The following KARS1 variants were observed in gnomAD, a reference collection of about 807,000 sequenced individuals.
The protein encoded by KARS1 is lysine--tRNA ligase.
In KARS1, 50 loss-of-function variants were observed where a neutral mutation model predicts 63.9. That is an observed-to-expected ratio of 0.78 (90% confidence interval 0.62 to 0.99). The LOEUF (loss-of-function observed/expected upper bound fraction) is 0.99, where lower values mean the gene tolerates loss of function less well. Among genes scored for constraint, KARS1 ranks in the 50% least tolerant of loss-of-function variants. The pLI is 0.00. For synonymous variants in KARS1, 320 were observed against 264.6 expected, an observed-to-expected ratio of 1.21 and a Z score of -2.03; for missense variants, 816 against 754.5, an observed-to-expected ratio of 1.08 and a Z score of -0.95.
rs975614349 is a variant in KARS1 at position 75,631,690 on chromosome 16, C to T, written c.1078+3G>A. ...GATGAGTATGAGAGAGAGCAGGAGT[C>T]ACCTGAAACCATCTTCTCCGTGATT... On this transcript the variant is annotated splice_donor_region_variant and intron_variant, in intron 8 of 13. Transcript: ENST00000302445. The T allele has an allele frequency of 2.5e-6, 4 of 1,614,198 alleles. No homozygotes were observed. Among genetic ancestry groups the T allele is most frequent in the Non-Finnish European group, 3.4e-6 (4 of 1,180,022 alleles).
At chr16:75,634,025 TACTC>T in intron 7 of KARS1, 144 bp downstream of exon 7, 2 of 827,754 alleles carry the variant, frequency 2.4e-6, no homozygotes, top group Non-Finnish European at 4.1e-6. Context: ...CTGGAAGTGT[TACTC>T]ACATCCACAC....
At chr16:75,644,344 G>C in intron 1 of KARS1, 1 of 1,610,784 alleles carries the variant, frequency 6.2e-7, no homozygotes, top group Non-Finnish European at 8.5e-7. Flanking sequence ...AGTTGACCCA[G>C]TCGCAGTTCC....
intron 8 of KARS1, 25 bp from the exon 9 acceptor site, chr16:75,631,614 C>T (rs760694696): frequency 5.6e-6 from 9 of 1,613,912 alleles, no homozygotes; most frequent in African/African-American, 2.7e-5. Flanking sequence ...TGTTATTTAG[C>T]GGGAATGAAA....
intron 10 of KARS1, among the ~76,000 whole-genome samples, chr16:75,630,820 A>C (rs544085934): frequency 6.6e-6 from 1 of 151,942 alleles, no homozygotes; most frequent in South Asian, 2.1e-4. Context: ...TTTTTTGTAG[A>C]GACAGGGTTT....
At position 75,628,835 on chromosome 16, in the gene KARS1, A is replaced by C; in HGVS notation, c.1552-123T>G. On this transcript the variant is annotated intron_variant, in intron 12 of 13. Transcript: ENST00000302445. ...TCCAGAGATGCTCCTGACACTCAGG[A>C]CTTGCTGGGAATTCATTTCCTAGTA... 6.8e-6 allele frequency: 7 copies of C among 1,021,978 alleles called. No individual in the cohort carries two copies. In the South Asian group the frequency reaches 9.3e-5, roughly 14 times the overall value. 63.3% of individuals were successfully genotyped at this position (1,021,978 alleles called of 1,614,324 possible). A position where few individuals can be genotyped will look rare whatever the true frequency, so the allele number is the denominator to read the frequency against.
Position 75,628,129 on chromosome 16 carries a change from G to A in KARS1, c.1696-136C>T, listed in dbSNP as rs555726202. On this transcript the variant is annotated intron_variant, in intron 13 of 13. Coordinates refer to ENST00000302445, the MANE Select transcript of KARS1 (RefSeq NM_005548.3). Reference sequence around the variant, plus strand: ...GTATATTCCAGCTGAAAAGGCTCATGTGTTCTTTTATTTCAACTCAGACCC... The same window carrying A: ...GTATATTCCAGCTGAAAAGGCTCATATGTTCTTTTATTTCAACTCAGACCC... 13 of 712,276 alleles carry A rather than the reference G, an allele frequency of 1.8e-5. No individual in the cohort carries two copies. The African/African-American group carries it at 1.9e-4, about 11-fold the overall frequency. 44.1% of individuals were successfully genotyped at this position (712,276 alleles called of 1,614,324 possible).
At position 75,631,610 on chromosome 16, in the gene KARS1, T is replaced by C. The variant is rs773327986; in HGVS notation, c.1079-21A>G. ...CATCCCTGGGAGAGAAACCTGTTAT[T>C]TAGCGGGAATGAAATCCAGGCAGCC... On this transcript the variant is annotated intron_variant, in intron 8 of 13. Coordinates refer to ENST00000302445, the MANE Select transcript of KARS1 (RefSeq NM_005548.3). 4.3e-6 allele frequency: 7 copies of C among 1,614,084 alleles called. No homozygotes were observed. The Admixed American group carries it at 6.7e-5, about 15-fold the overall frequency.
intron 12 of KARS1, chr16:75,629,077 G>T: frequency 4.3e-6 from 2 of 466,750 alleles, no homozygotes; most frequent in South Asian, 4.2e-5. Context: ...GCAGCCTGTG[G>T]GGGTTCTGTC....
At chr16:75,634,083 G>A (rs753714622) in intron 7 of KARS1, 90 bp downstream of exon 7, 3 of 1,400,714 alleles carry the variant, frequency 2.1e-6, no homozygotes, top group African/African-American at 1.4e-5. Context: ...TACTCTCTCT[G>A]TTCCTCTTAT....
At chr16:75,643,456 T>A (rs1346160009) in intron 1 of KARS1, among the ~76,000 whole-genome samples, 1 of 151,830 alleles carries the variant, frequency 6.6e-6, no homozygotes, top group Non-Finnish European at 1.5e-5. Context: ...CAGATCACTG[T>A]AAGCTCTGCC....
rs759937431 is a variant in KARS1 at position 75,644,437 on chromosome 16, A to G, written c.63-2714T>C. 1.0e-5 allele frequency: 16 copies of G among 1,604,794 alleles called. No individual in the cohort carries two copies. The South Asian group carries it at 1.6e-4, about 16-fold the overall frequency. On this transcript the variant is annotated intron_variant, in intron 1 of 13. Transcript: ENST00000302445. ...GCAGCTTGCGTCAACATGGCAGAGCACCCTGGAACTAATGATTACCACCAC... is the reference window on the plus strand; with the variant it reads ...GCAGCTTGCGTCAACATGGCAGAGCGCCCTGGAACTAATGATTACCACCAC...
chr16:75,631,165 C>T lies in KARS1; in HGVS notation c.1338+3G>A, dbSNP rs1459739765. 2 of 1,611,862 alleles carry T rather than the reference C, an allele frequency of 1.2e-6. No individual in the cohort carries two copies. Among genetic ancestry groups the T allele is most frequent in the South Asian group, 2.2e-5 (2 of 90,908 alleles). ...CATGTACAAGAAGGCAGGGCCTTCT[C>T]ACCTTGTCAAGGAGCCTGGCTGTGG... On this transcript the variant is annotated splice_donor_region_variant and intron_variant, in intron 10 of 13. Transcript: ENST00000302445.
At chr16:75,628,052 C>T in intron 13 of KARS1, 59 bp from the exon 14 acceptor site, 2 of 984,450 alleles carry the variant, frequency 2.0e-6, no homozygotes, top group Non-Finnish European at 3.3e-6. Flanking sequence ...TTTTTCACAG[C>T]TATCTACCCA....
intron 6 of KARS1, 55 bp downstream of exon 6, chr16:75,635,625 G>A: frequency 6.2e-7 from 1 of 1,601,714 alleles, no homozygotes; most frequent in African/African-American, 1.3e-5. Flanking sequence ...CAAGGGAGAG[G>A]AGGAGGCAAG....
chr16:75,640,505 A>T (rs924598713), intron 2 of KARS1, among the ~76,000 whole-genome samples, 156 bp from the exon 3 acceptor site: 1 of 152,242 alleles, frequency 6.6e-6, no homozygotes, highest in Admixed American at 6.5e-5. Flanking sequence ...ATATGGAGTG[A>T]GATTTGCACT....
rs1265518047 is a variant in KARS1 at position 75,647,555 on chromosome 16, T to TA, written c.62+22dup. 4.3e-6 allele frequency: 7 copies of TA among 1,610,342 alleles called. No individual in the cohort carries two copies. In the African/African-American group the frequency reaches 9.4e-5, roughly 22 times the overall value. On this transcript the variant is annotated intron_variant, in intron 1 of 13. Coordinates refer to ENST00000302445, the MANE Select transcript of KARS1 (RefSeq NM_005548.3). ...CCAGACTCTCCTACCGCAAAGGCTT[T>TA]AAAGACTCGCAGCGACACTCACTTC... is the stretch of plus-strand genomic sequence containing the variant.
At chr16:75,637,076 T>C (rs186170187) in intron 3 of KARS1, among the ~76,000 whole-genome samples, 155 of 152,138 alleles carry the variant, frequency 1.0e-3, no homozygotes, top group African/African-American at 3.5e-3. Flanking sequence ...TTTCAGGATC[T>C]AGCTTTCAAG....
At chr16:75,628,036 C>A in intron 13 of KARS1, 43 bp from the exon 14 acceptor site, 1 of 1,200,104 alleles carries the variant, frequency 8.3e-7, no homozygotes, top group South Asian at 1.2e-5. Flanking sequence ...GAAGCACTCT[C>A]AACATTTTTT....
chr16:75,631,076 T>C (rs1037713493), intron 10 of KARS1, 92 bp downstream of exon 10: 1 of 956,272 alleles, frequency 1.0e-6, no homozygotes, highest in African/African-American at 1.6e-5. Flanking sequence ...GCTGCAGAAA[T>C]GAACTCTCCC....
Sources: allele counts gnomAD v4.1 joint callset (sites outside exome capture counted in the v4.1 genomes callset), GRCh38; gene constraint gnomAD v4.1.1; transcripts MANE v1.5; gene names NCBI Gene and HGNC (gene_info 2026-07-23, HGNC 2026-07-21).